Variants in PTPRE observed in about 807,000 individuals in gnomAD.
PTPRE encodes protein tyrosine phosphatase receptor type E.
In PTPRE, 51 loss-of-function variants were observed where a neutral mutation model predicts 102.0. That is an observed-to-expected ratio of 0.50 (90% CI 0.40 to 0.63). The LOEUF is 0.63. Among genes scored for constraint, PTPRE ranks in the 30% least tolerant of loss-of-function variants. The pLI is 0.00. For missense variants in PTPRE, 752 were observed against 915.1 expected (o/e 0.82, Z 2.30); for synonymous variants, 345 against 348.2 (o/e 0.99, Z 0.10).
At chr10:127,914,576 C>T (rs1014475148) in intron 1 of PTPRE, among the ~76,000 whole-genome samples, 3 of 152,210 alleles carry the variant, frequency 2.0e-5, no homozygotes, top group African/African-American at 7.2e-5. Flanking sequence ...GTAAATCCTC[C>T]CTATGGAATT....
intron 1 of PTPRE, among the ~76,000 whole-genome samples, chr10:127,917,246 G>T (rs1015864571): frequency 1.3e-5 from 2 of 151,406 alleles, no homozygotes; most frequent in Non-Finnish European, 2.9e-5. Flanking sequence ...AGAGGGGGAA[G>T]CCGCTCCAAC....
At chr10:128,033,429 T>A (rs1846939423) in intron 2 of PTPRE, among the ~76,000 whole-genome samples, 1 of 152,188 alleles carries the variant, frequency 6.6e-6, no homozygotes, top group South Asian at 2.1e-4. Flanking sequence ...TTTTATTCAT[T>A]TCATGGAATC....
chr10:127,918,082 G>T (rs189421003), intron 1 of PTPRE, among the ~76,000 whole-genome samples: 3 of 151,940 alleles, frequency 2.0e-5, no homozygotes, highest in Non-Finnish European at 4.4e-5. Context: ...CGGCTCACAG[G>T]GGGTGATGTC....
intron 2 of PTPRE, among the ~76,000 whole-genome samples, chr10:128,020,165 G>A (rs935989218): frequency 1.3e-5 from 2 of 152,198 alleles, no homozygotes; most frequent in African/African-American, 4.8e-5. Context: ...TAATTAATAA[G>A]CCCACACTTT....
At chr10:128,015,947 A>G (rs1845388278) in intron 2 of PTPRE, among the ~76,000 whole-genome samples, 1 of 152,208 alleles carries the variant, frequency 6.6e-6, no homozygotes, top group Non-Finnish European at 1.5e-5. Flanking sequence ...CTGTGGCACT[A>G]GAGAAGCTTT....
intron 1 of PTPRE, among the ~76,000 whole-genome samples, chr10:127,939,284 T>C (rs1165960640): frequency 1.3e-5 from 2 of 152,226 alleles, no homozygotes; most frequent in Admixed American, 1.3e-4. Context: ...CTTGGAATCC[T>C]CTGGTTTTTC....
chr10:127,918,623 G>A (rs1365363425), intron 1 of PTPRE, among the ~76,000 whole-genome samples: 1 of 152,136 alleles, frequency 6.6e-6, no homozygotes, highest in Non-Finnish European at 1.5e-5. Context: ...GGAGCTTGGG[G>A]AAAAGGCTGA....
At position 128,070,369 on chromosome 10, in the gene PTPRE, G is replaced by GTCC. The variant is rs1564962825; in HGVS notation, c.1216_1218dup (p.Ser406dup). The GTCC allele has an allele frequency of 6.2e-7, 1 of 1,614,174 alleles. No individual in the cohort carries two copies. Among genetic ancestry groups the GTCC allele is most frequent in the South Asian group, 1.1e-5 (1 of 91,088 alleles). ...TCTACGGGGACACAGAGCTGGACGT[G>GTCC]TCCTCCCTGGAGAAGCACCTGCAGA... On this transcript the variant is annotated inframe_insertion, in exon 14 of 21. Transcript: ENST00000254667. This position sits in a 1 kb window ranked among gnomAD's most constrained non-coding sequence, Gnocchi z 4.8.
intron 11 of PTPRE, among the ~76,000 whole-genome samples, chr10:128,067,102 A>T (rs1850213952): frequency 6.6e-6 from 1 of 151,430 alleles, no homozygotes; most frequent in Non-Finnish European, 1.5e-5. Context: ...ATGCACACAC[A>T]CGCACACAAC....
chr10:127,948,128 G>A (rs2135329062), intron 1 of PTPRE, among the ~76,000 whole-genome samples: 1 of 152,278 alleles, frequency 6.6e-6, no homozygotes, highest in African/African-American at 2.4e-5. Context: ...CACTCCGTTG[G>A]CCCCCAGGAG....
chr10:127,978,335 T>A (rs1851349356), intron 1 of PTPRE, among the ~76,000 whole-genome samples: 1 of 151,920 alleles, frequency 6.6e-6, no homozygotes. Flanking sequence ...CCCCAGGAGT[T>A]CGAGACCAGT....
At chr10:127,950,826 G>A (rs1199696206) in intron 1 of PTPRE, among the ~76,000 whole-genome samples, 1 of 152,160 alleles carries the variant, frequency 6.6e-6, no homozygotes, top group African/African-American at 2.4e-5. Flanking sequence ...GTCGGGCAAA[G>A]TGGCTCAAGC....
chr10:128,042,833 T>A (rs1171672415), intron 3 of PTPRE, among the ~76,000 whole-genome samples: 1 of 152,186 alleles, frequency 6.6e-6, no homozygotes, highest in Non-Finnish European at 1.5e-5. Context: ...TAAAATGTTA[T>A]CTATAAAAAA....
At chr10:128,016,835 G>A (rs906558494) in intron 2 of PTPRE, among the ~76,000 whole-genome samples, 2 of 152,260 alleles carry the variant, frequency 1.3e-5, no homozygotes, top group East Asian at 3.8e-4. Context: ...CTGAGGCACA[G>A]CAGCTTCCTG....
At chr10:128,067,886 G>A (rs893347539) in intron 11 of PTPRE, among the ~76,000 whole-genome samples, 3 of 152,208 alleles carry the variant, frequency 2.0e-5, no homozygotes, top group African/African-American at 7.2e-5. Flanking sequence ...GGCCCTGCCT[G>A]ACCTGGGCAT....
chr10:127,980,242 C>G (rs1349819527), intron 1 of PTPRE, among the ~76,000 whole-genome samples: 1 of 152,118 alleles, frequency 6.6e-6, no homozygotes, highest in Middle Eastern at 3.2e-3. Flanking sequence ...ACAGATTTTC[C>G]CCGGTTGTTT....
At chr10:127,959,760 G>T (rs999941938) in intron 1 of PTPRE, among the ~76,000 whole-genome samples, 2 of 152,172 alleles carry the variant, frequency 1.3e-5, no homozygotes, top group African/African-American at 2.4e-5. Flanking sequence ...ACTTAGGATT[G>T]TCTCCTTGTC....
At chr10:128,032,449 G>C (rs1846846603) in intron 2 of PTPRE, among the ~76,000 whole-genome samples, 1 of 152,132 alleles carries the variant, frequency 6.6e-6, no homozygotes, top group Non-Finnish European at 1.5e-5. Context: ...GTAGGGAACA[G>C]GCTCTCTTTA....
chr10:127,998,968 T>G (rs1853579715), intron 2 of PTPRE: 1 of 152,134 alleles, frequency 6.6e-6, no homozygotes, highest in African/African-American at 2.4e-5. Context: ...CCTTTTTGTT[T>G]TAGGAAGTGC....
Sources: gnomAD v4.1 joint callset for allele counts (sites outside exome capture counted in the v4.1 genomes callset) on GRCh38, gnomAD v4.1.1 for gene constraint, Gnocchi (gnomAD v3.1) non-coding constraint, MANE v1.5 for transcripts, NCBI Gene and HGNC (gene_info 2026-07-23, HGNC 2026-07-21) for gene names.